Variants in PCDHGB7 observed in about 807,000 individuals in gnomAD.
The protein encoded by PCDHGB7 is protocadherin gamma-B7.
Under a neutral mutation model 61.4 loss-of-function variants are expected in PCDHGB7, and 37 were observed. The ratio of observed to expected loss-of-function variants is 0.60; its 90% CI spans 0.46 to 0.79. PCDHGB7 has a LOEUF of 0.79. Ranked by LOEUF, PCDHGB7 falls within the 30% of genes least tolerant of loss-of-function variation. PCDHGB7 has a pLI of 0.00. For missense variants in PCDHGB7, 1,166 were observed against 1,202.5 expected, an observed-to-expected ratio of 0.97 and a Z score of 0.45; for synonymous variants, 464 against 503.5, an observed-to-expected ratio of 0.92 and a Z score of 1.05.
intron 1 of PCDHGB7, among the ~76,000 whole-genome samples, chr5:141,474,187 T>A (rs2099345004): frequency 6.6e-6 from 1 of 152,210 alleles, no homozygotes; most frequent in South Asian, 2.1e-4. Context: ...ACTACTTACA[T>A]TTTTAAAAGC....
chr5:141,458,619 G>T (rs1393941674), intron 1 of PCDHGB7, among the ~76,000 whole-genome samples: 1 of 152,080 alleles, frequency 6.6e-6, no homozygotes, highest in South Asian at 2.1e-4. Context: ...AGCCAGGCTG[G>T]AGTGCAGTGG....
At chr5:141,505,574 C>T (rs1275802375) in intron 3 of PCDHGB7, 93 bp downstream of exon 3, 13 of 1,593,636 alleles carry the variant, frequency 8.2e-6, no homozygotes, top group Non-Finnish European at 1.1e-5. Context: ...GGATGTCAAA[C>T]CTGTGTAGTT....
At position 141,476,015 on chromosome 5, in the gene PCDHGB7, C is replaced by A; in HGVS notation, c.2416-18792C>A. The A allele has an allele frequency of 7.4e-7, 1 of 1,344,728 alleles. No individual in the cohort carries two copies. The highest frequency in any genetic ancestry group is 1.0e-6 in the Non-Finnish European group (1 of 992,700). The allele number at this position is 1,344,728 out of a possible 1,614,324, so 83.3% of individuals were successfully genotyped here. A position where few individuals can be genotyped will look rare whatever the true frequency, so the allele number is the denominator to read the frequency against. ...ATCAACGGCATCCAGAAAGCCATGT[C>A]GGACTCGGCGCCCAGCGCCCAAGCG... On this transcript the variant is annotated intron_variant, in intron 1 of 3. Coordinates refer to ENST00000398594, the MANE Select transcript of PCDHGB7 (RefSeq NM_018927.4). This position sits in a 1 kb window ranked among gnomAD's most constrained non-coding sequence, Gnocchi z 7.6.
chr5:141,422,959 C>T, intron 1 of PCDHGB7: 5 of 1,614,234 alleles, frequency 3.1e-6, no homozygotes, highest in African/African-American at 1.3e-5. Flanking sequence ...TGGCGTGGAG[C>T]TGGCGCCCCG....
At chr5:141,484,478 A>G (rs2099596967) in intron 1 of PCDHGB7, among the ~76,000 whole-genome samples, 1 of 152,244 alleles carries the variant, frequency 6.6e-6, no homozygotes, top group Admixed American at 6.5e-5. Context: ...CTTTTCTGCA[A>G]AGAGATGGAT....
intron 1 of PCDHGB7, among the ~76,000 whole-genome samples, chr5:141,466,884 T>G (rs901947336): frequency 2.6e-5 from 4 of 152,212 alleles, no homozygotes; most frequent in Admixed American, 1.3e-4. Flanking sequence ...TTTCATAATA[T>G]GCATTTTCCA....
intron 1 of PCDHGB7, among the ~76,000 whole-genome samples, chr5:141,484,084 T>A (rs1030166144): frequency 3.3e-5 from 5 of 152,174 alleles, no homozygotes; most frequent in African/African-American, 4.8e-5. Flanking sequence ...TCTTTTGAAA[T>A]GGTCTTCGTT....
Position 141,420,237 on chromosome 5 carries a change from C to A in PCDHGB7, c.2378C>A (p.Thr793Asn). Residue 793 changes from threonine to asparagine, a missense_variant, in exon 1 of 4, where the codon ACT (threonine) becomes AAT (asparagine). By Grantham distance (65) the Thr-to-Asn change is moderately conservative (BLOSUM62 0). Coordinates refer to ENST00000398594, the MANE Select transcript of PCDHGB7 (RefSeq NM_018927.4). Reference protein sequence around the residue: ...KDSMLLASILTPSVEADKKIL... With the variant: ...KDSMLLASILNPSVEADKKIL... ...AGCATGCTACTGGCTAGCATTTTAA[C>A]TCCCAGCGTTGAAGCAGATAAGAAG... 1 of 1,595,672 alleles carries A rather than the reference C, an allele frequency of 6.3e-7. No homozygotes were observed. The highest frequency in any genetic ancestry group is 8.6e-7 in the Non-Finnish European group (1 of 1,169,220).
At position 141,486,038 on chromosome 5, in the gene PCDHGB7, G is replaced by T; in HGVS notation, c.2416-8769G>T. The stretch of plus-strand genomic sequence containing the variant: ...TTTCAGTGGTCATACCCCTGATCGT[G>T]TAAGAAACCTCTTTAGCCTGCACCC... On this transcript the variant is annotated intron_variant, in intron 1 of 3. Coordinates refer to ENST00000398594, the MANE Select transcript of PCDHGB7 (RefSeq NM_018927.4). This position sits in a 1 kb window ranked among gnomAD's most constrained non-coding sequence, Gnocchi z 5.0. The T allele has an allele frequency of 3.1e-6, 5 of 1,614,184 alleles. No individual in the cohort carries two copies. Among genetic ancestry groups the T allele is most frequent in the Non-Finnish European group, 4.2e-6 (5 of 1,180,018 alleles).
chr5:141,505,628 A>C, intron 3 of PCDHGB7, 147 bp downstream of exon 3: 1 of 1,481,752 alleles, frequency 6.7e-7, no homozygotes, highest in Non-Finnish European at 9.0e-7. Flanking sequence ...ACAATTCCAA[A>C]CATAAAGCCT....
Position 141,431,530 on chromosome 5 carries a change from G to A in PCDHGB7, c.2415+11256G>A. On this transcript the variant is annotated intron_variant, in intron 1 of 3. Transcript: ENST00000398594. The surrounding 1 kb of genome is among the most constrained non-coding windows in gnomAD (Gnocchi z 4.8). ...CGAGCGTTCCGGAGAATCTGGCCTT[G>A]GGCACGCAGCTGCTTGTAGTCAACG... 3 of 1,614,072 alleles carry A rather than the reference G, an allele frequency of 1.9e-6. No homozygotes were observed. In the South Asian group the frequency reaches 3.3e-5, roughly 18 times the overall value.
chr5:141,471,972 T>C (rs952480654), intron 1 of PCDHGB7, among the ~76,000 whole-genome samples: 1 of 152,212 alleles, frequency 6.6e-6, no homozygotes, highest in South Asian at 2.1e-4. Context: ...GTTGCATTAC[T>C]GTATAAATTT....
At chr5:141,505,238 G>A (rs1254100882) in intron 2 of PCDHGB7, 155 bp from the exon 3 acceptor site, 2 of 890,422 alleles carry the variant, frequency 2.2e-6, no homozygotes, top group South Asian at 5.2e-5. Context: ...GGCTTCTGAA[G>A]GATTGTAGAA....
chr5:141,496,277 T>C (rs1484877198), intron 2 of PCDHGB7, among the ~76,000 whole-genome samples: 1 of 152,134 alleles, frequency 6.6e-6, no homozygotes, highest in Non-Finnish European at 1.5e-5. Context: ...AGACCTTCAG[T>C]TGGTCTGAGC....
At position 141,505,479 on chromosome 5, in the gene PCDHGB7, G is replaced by A; in HGVS notation, c.2561G>A (p.Ser854Asn). 1 of 1,614,228 alleles carries A rather than the reference G, an allele frequency of 6.2e-7. No homozygotes were observed. The highest frequency in any genetic ancestry group is 8.5e-7 in the Non-Finnish European group (1 of 1,180,018). Residue 854 changes from serine to asparagine, a missense_variant and splice_region_variant, in exon 3 of 4, where the codon AGT (serine) becomes AAT (asparagine). Ser to Asn is a conservative substitution (Grantham distance 46, BLOSUM62 1). Coordinates refer to ENST00000398594, the MANE Select transcript of PCDHGB7 (RefSeq NM_018927.4). Reference sequence around the variant, plus strand: ...CAAGCCATGATCTTGGCGTCCGCCAGTGGTAAGTGGTGTCAGTGTGTGTAT... The same window carrying A: ...CAAGCCATGATCTTGGCGTCCGCCAATGGTAAGTGGTGTCAGTGTGTGTAT... Reference protein sequence around the residue: ...MLQAMILASASEAADGSSTLG... With the variant: ...MLQAMILASANEAADGSSTLG...
chr5:141,424,860 A>C (rs2154550951), intron 1 of PCDHGB7, among the ~76,000 whole-genome samples: 1 of 152,340 alleles, frequency 6.6e-6, no homozygotes. Flanking sequence ...TGTCTAGGAA[A>C]GCCAAATGAG....
Position 141,485,718 on chromosome 5 carries a change from T to A in PCDHGB7, c.2416-9089T>A, listed in dbSNP as rs562192762. ...TCCAATGAACACTTTGCACTGGATG[T>A]GAAGAAGCGCAGCGACGGCAGCCTG... On this transcript the variant is annotated intron_variant, in intron 1 of 3. Coordinates refer to ENST00000398594, the MANE Select transcript of PCDHGB7 (RefSeq NM_018927.4). The surrounding 1 kb of genome is among the most constrained non-coding windows in gnomAD (Gnocchi z 5.7). 1 of 1,614,058 alleles carries A rather than the reference T, an allele frequency of 6.2e-7. No homozygotes were observed. The highest frequency in any genetic ancestry group is 2.2e-5 in the East Asian group (1 of 44,866).
At position 141,432,298 on chromosome 5, in the gene PCDHGB7, A is replaced by G; in HGVS notation, c.2415+12024A>G. 6.2e-7 allele frequency: 1 copy of G among 1,614,236 alleles called. No homozygotes were observed. The highest frequency in any genetic ancestry group is 8.5e-7 in the Non-Finnish European group (1 of 1,180,036). The stretch of plus-strand genomic sequence containing the variant: ...TGTCCATCAACTCCGACACTGGGGT[A>G]CTGTATGCGCTGAGCTCCTTCGACT... On this transcript the variant is annotated intron_variant, in intron 1 of 3. Transcript: ENST00000398594. This position sits in a 1 kb window ranked among gnomAD's most constrained non-coding sequence, Gnocchi z 6.0.
chr5:141,489,178 C>T lies in PCDHGB7; in HGVS notation c.2416-5629C>T, dbSNP rs909255357. ...GAGACTTCAGCTGCTGCATTCCAAG[C>T]CCTGGGTCTACCTTGGAGACAGGAC... On this transcript the variant is annotated intron_variant, in intron 1 of 3. Transcript: ENST00000398594. This position sits in a 1 kb window ranked among gnomAD's most constrained non-coding sequence, Gnocchi z 4.5. 54 of 1,234,872 alleles carry T rather than the reference C, an allele frequency of 4.4e-5. 1 individual carries two copies. In the East Asian group the frequency reaches 1.2e-3, roughly 29 times the overall value. 76.5% of individuals were successfully genotyped at this position (1,234,872 alleles called of 1,614,324 possible). A position where few individuals can be genotyped will look rare whatever the true frequency, so the allele number is the denominator to read the frequency against.
Sources: gnomAD v4.1 joint callset for allele counts (sites outside exome capture counted in the v4.1 genomes callset) on GRCh38, gnomAD v4.1.1 for gene constraint, Gnocchi (gnomAD v3.1) non-coding constraint, MANE v1.5 for transcripts, NCBI Gene and HGNC (gene_info 2026-07-23, HGNC 2026-07-21) for gene names.